The following NEDD4L variants were observed in gnomAD, a reference collection of about 807,000 sequenced individuals.
The protein encoded by NEDD4L is NEDD4 like E3 ubiquitin protein ligase.
Under a neutral mutation model 148.9 loss-of-function variants are expected in NEDD4L, and 54 were observed. That is an observed-to-expected ratio of 0.36 (90% CI 0.29 to 0.45). The LOEUF (loss-of-function observed/expected upper bound fraction) is 0.45. Among genes scored for constraint, NEDD4L ranks in the 20% least tolerant of loss-of-function variants. The probability of loss-of-function intolerance (pLI) is 1.00; values close to 1 mark genes in which losing one functional copy is unlikely to be tolerated. For synonymous variants in NEDD4L, 433 were observed against 440.7 expected, an observed-to-expected ratio of 0.98 and a Z score of 0.22; for missense variants, 856 against 1,233.8, an observed-to-expected ratio of 0.69 and a Z score of 4.59.
chr18:58,072,010 C>T (rs1330304666), intron 1 of NEDD4L, among the ~76,000 whole-genome samples: 1 of 152,016 alleles, frequency 6.6e-6, no homozygotes, highest in Non-Finnish European at 1.5e-5. Flanking sequence ...AGTTGTATGC[C>T]AACAAATTAG....
chr18:58,309,627 A>G (rs754919699), intron 5 of NEDD4L, among the ~76,000 whole-genome samples: 3 of 151,674 alleles, frequency 2.0e-5, no homozygotes, highest in Non-Finnish European at 4.4e-5. Context: ...TAGTTGGCAG[A>G]GTCCTATCCC....
chr18:58,227,419 G>A (rs937474658), intron 2 of NEDD4L, among the ~76,000 whole-genome samples: 9 of 152,190 alleles, frequency 5.9e-5, no homozygotes, highest in African/African-American at 1.9e-4. Flanking sequence ...TGTGGAGGCT[G>A]TGGTTTCTTC....
chr18:58,262,677 A>C (rs1319308539), intron 5 of NEDD4L, among the ~76,000 whole-genome samples: 1 of 151,578 alleles, frequency 6.6e-6, no homozygotes, highest in Admixed American at 6.6e-5. Flanking sequence ...CTCAGTGAGC[A>C]TGTTGAATGC....
intron 1 of NEDD4L, among the ~76,000 whole-genome samples, chr18:58,083,142 T>C (rs2083556974): frequency 6.6e-6 from 1 of 152,178 alleles, no homozygotes; most frequent in African/African-American, 2.4e-5. Flanking sequence ...TAAATGTTTA[T>C]TGACTGAATG....
At chr18:58,387,665 T>C (rs1396888700) in intron 27 of NEDD4L, 167 bp downstream of exon 27, 4 of 778,208 alleles carry the variant, frequency 5.1e-6, no homozygotes, top group Non-Finnish European at 1.9e-6. Context: ...TGTGGTTCTA[T>C]TACATGTCTC....
chr18:58,259,953 A>G (rs1291439045), intron 5 of NEDD4L, among the ~76,000 whole-genome samples: 1 of 152,230 alleles, frequency 6.6e-6, no homozygotes, highest in Non-Finnish European at 1.5e-5. Context: ...TTTACAGAAG[A>G]TGTTTTTAAT....
intron 2 of NEDD4L, among the ~76,000 whole-genome samples, chr18:58,175,183 C>T (rs1304219123): frequency 2.0e-5 from 3 of 152,202 alleles, no homozygotes; most frequent in Non-Finnish European, 4.4e-5. Flanking sequence ...TCGAGATTTC[C>T]AGGTTTCTGG....
intron 6 of NEDD4L, 138 bp from the exon 7 acceptor site, chr18:58,322,287 A>T: frequency 1.5e-6 from 1 of 686,584 alleles, no homozygotes; most frequent in South Asian, 1.7e-5. Flanking sequence ...GTGGACTGTC[A>T]GGTACCAAGT....
At chr18:58,097,588 C>T (rs8089173) in intron 1 of NEDD4L, among the ~76,000 whole-genome samples, 5,303 of 152,192 alleles carry the variant, frequency 0.035, 314 homozygotes, top group African/African-American at 0.12. Flanking sequence ...TATCTAAAGT[C>T]TAAAGTTAAT....
chr18:58,385,763 A>G (rs1345193339), intron 26 of NEDD4L, among the ~76,000 whole-genome samples, 177 bp downstream of exon 26: 1 of 151,928 alleles, frequency 6.6e-6, no homozygotes, highest in Non-Finnish European at 1.5e-5. Flanking sequence ...CCAGCACAAG[A>G]GTGTTCAGCC....
At chr18:58,134,099 T>A (rs552982084) in intron 1 of NEDD4L, among the ~76,000 whole-genome samples, 29 of 152,178 alleles carry the variant, frequency 1.9e-4, no homozygotes, top group African/African-American at 6.3e-4. Flanking sequence ...CTCCTGGGTT[T>A]AAGTGATTCT....
intron 2 of NEDD4L, among the ~76,000 whole-genome samples, chr18:58,202,751 C>T (rs7230539): frequency 0.36 from 55,002 of 152,018 alleles, 11,500 homozygotes; most frequent in African/African-American, 0.58. Flanking sequence ...CTTCATCCTT[C>T]GCCATTTGTC....
At chr18:58,370,535 G>T in intron 23 of NEDD4L, 68 bp downstream of exon 23, 1 of 1,041,014 alleles carries the variant, frequency 9.6e-7, no homozygotes, top group South Asian at 1.3e-5. Context: ...GTATTGGAGA[G>T]CCATATTTGT....
intron 5 of NEDD4L, among the ~76,000 whole-genome samples, chr18:58,297,819 A>G (rs948955687): frequency 1.3e-5 from 2 of 152,100 alleles, no homozygotes; most frequent in South Asian, 4.1e-4. Context: ...GGAACATTTG[A>G]CCAGAGAGAG....
intron 5 of NEDD4L, among the ~76,000 whole-genome samples, chr18:58,273,715 A>G (rs1450406346): frequency 6.6e-6 from 1 of 152,244 alleles, no homozygotes; most frequent in Non-Finnish European, 1.5e-5. Flanking sequence ...CCATGTAACA[A>G]GTTGGGCAAA....
At chr18:58,370,706 C>T (rs1165446874) in intron 23 of NEDD4L, among the ~76,000 whole-genome samples, 8 of 152,214 alleles carry the variant, frequency 5.3e-5, no homozygotes, top group Admixed American at 1.3e-4. Context: ...GTTGCCTCTG[C>T]TTACCCGGCA....
intron 2 of NEDD4L, among the ~76,000 whole-genome samples, chr18:58,166,715 G>A (rs913683575): frequency 6.6e-6 from 1 of 152,188 alleles, no homozygotes; most frequent in African/African-American, 2.4e-5. Context: ...ATTTTCCTTT[G>A]TGGCATGGTG....
intron 5 of NEDD4L, among the ~76,000 whole-genome samples, chr18:58,265,521 A>G (rs546264713): frequency 7.6e-4 from 116 of 152,128 alleles, no homozygotes; most frequent in Middle Eastern, 6.8e-3. Flanking sequence ...TTATAACATC[A>G]TAGTGTAGGA....
chr18:58,203,344 C>A (rs2041629451), intron 2 of NEDD4L, among the ~76,000 whole-genome samples: 1 of 152,090 alleles, frequency 6.6e-6, no homozygotes, highest in Admixed American at 6.6e-5. Flanking sequence ...ACTGACTTGG[C>A]AGTAAAAGTG....
Sources: gnomAD v4.1 joint callset for allele counts (sites outside exome capture counted in the v4.1 genomes callset) on GRCh38, gnomAD v4.1.1 for gene constraint, MANE v1.5 for transcripts, NCBI Gene and HGNC (gene_info 2026-07-23, HGNC 2026-07-21) for gene names.